ELSPBP1: variants seen among roughly 807,000 people sequenced by gnomAD.
ELSPBP1 encodes the protein epididymal sperm binding protein 1, also known as epididymal sperm-binding protein 1.
A neutral mutation model predicts 33.3 loss-of-function variants in ELSPBP1; 38 were observed. That is an observed-to-expected ratio of 1.14 (90% CI 0.88 to 1.50). ELSPBP1 has a LOEUF of 1.50. Ranked by LOEUF, ELSPBP1 falls within the 40% of genes most tolerant of loss-of-function variation. The pLI, the probability that ELSPBP1 is intolerant of heterozygous loss-of-function variation, is 0.00. For synonymous variants in ELSPBP1, 85 were observed against 94.1 expected (o/e 0.90, Z 0.56); for missense variants, 267 against 263.5 (o/e 1.01, Z -0.09).
At chr19:48,017,522 ACT>A in intron 4 of ELSPBP1, among the ~76,000 whole-genome samples, 1 of 152,268 alleles carries the variant, frequency 6.6e-6, no homozygotes, top group East Asian at 1.9e-4. Context: ...TTAATAATAT[ACT>A]CTGTCATTAA....
At chr19:48,002,738 G>C (rs2122294385) in intron 1 of ELSPBP1, among the ~76,000 whole-genome samples, 1 of 152,352 alleles carries the variant, frequency 6.6e-6, no homozygotes, top group East Asian at 1.9e-4. Context: ...GTTGCAGTGA[G>C]CTAAGATCGT....
chr19:48,019,225 C>T (rs372398468), intron 4 of ELSPBP1, among the ~76,000 whole-genome samples: 1 of 151,954 alleles, frequency 6.6e-6, no homozygotes, highest in South Asian at 2.1e-4. Flanking sequence ...GGAGTCTCGT[C>T]TAAGGTGGGT....
At chr19:48,000,323 C>G (rs1409541667) in intron 1 of ELSPBP1, among the ~76,000 whole-genome samples, 1 of 150,948 alleles carries the variant, frequency 6.6e-6, no homozygotes, top group Non-Finnish European at 1.5e-5. Flanking sequence ...TCAGTGCAAC[C>G]TCTGCCTCCT....
In ELSPBP1 at chr19:48,014,165, C is replaced by T. The variant is rs375402318; in HGVS notation, c.71-6C>T. 7 of 1,612,592 alleles carry T rather than the reference C, an allele frequency of 4.3e-6. No individual in the cohort carries two copies. Among genetic ancestry groups the T allele is most frequent in the African/African-American group, 2.7e-5 (2 of 74,952 alleles). On this transcript the variant is annotated splice_polypyrimidine_tract_variant and splice_region_variant and intron_variant, in intron 2 of 6. Transcript: ENST00000339841. ...CCCACTCCTGTTTTCTCCTTCTGCCCTTCAGGGATGCATGAGGAATGTGTC... is the reference window on the plus strand; with the variant it reads ...CCCACTCCTGTTTTCTCCTTCTGCCTTTCAGGGATGCATGAGGAATGTGTC...
chr19:48,019,226 T>A (rs2122331350), intron 4 of ELSPBP1, among the ~76,000 whole-genome samples: 1 of 152,250 alleles, frequency 6.6e-6, no homozygotes, highest in Middle Eastern at 3.4e-3. Flanking sequence ...GAGTCTCGTC[T>A]AAGGTGGGTC....
Position 48,019,714 on chromosome 19 carries a change from T to G in ELSPBP1, c.356-5T>G, listed in dbSNP as rs774651294. The G allele has an allele frequency of 6.2e-7, 1 of 1,612,972 alleles. No individual in the cohort carries two copies. The highest frequency in any genetic ancestry group is 1.3e-5 in the African/African-American group (1 of 74,842). ...GACCCGTAACCTTTCCATAATCCTTTTCAGAGTATGGGGGAAATTCTCTCA... is the reference window on the plus strand; with the variant it reads ...GACCCGTAACCTTTCCATAATCCTTGTCAGAGTATGGGGGAAATTCTCTCA... On this transcript the variant is annotated splice_region_variant and splice_polypyrimidine_tract_variant and intron_variant, in intron 4 of 6. Coordinates refer to ENST00000339841, the MANE Select transcript of ELSPBP1 (RefSeq NM_022142.5).
At chr19:48,014,005 C>T (rs1191040382) in intron 2 of ELSPBP1, among the ~76,000 whole-genome samples, 166 bp from the exon 3 acceptor site, 1 of 152,066 alleles carries the variant, frequency 6.6e-6, no homozygotes, top group Non-Finnish European at 1.5e-5. Flanking sequence ...TCCAAAGGCC[C>T]CTCGTACCAT....
rs548003845 is a variant in ELSPBP1, at chr19:48,016,372, C to T, written c.355+333C>T. On this transcript the variant is annotated intron_variant, in intron 4 of 6. Coordinates refer to ENST00000339841, the MANE Select transcript of ELSPBP1 (RefSeq NM_022142.5). Reference sequence around the variant, plus strand: ...GATGGACCCAAACTGCCTTTTCTTTCCTTCCTTCCTTCCTTGCTTCCTTCC... The same window carrying T: ...GATGGACCCAAACTGCCTTTTCTTTTCTTCCTTCCTTCCTTGCTTCCTTCC... Among the ~76,000 whole-genome samples, 48 of 151,958 alleles carry T rather than the reference C, an allele frequency of 3.2e-4. 1 individual carries two copies. Among genetic ancestry groups the T allele is most frequent in the African/African-American group, 1.1e-3 (45 of 41,490 alleles).
chr19:48,013,762 A>G (rs1473959647), intron 2 of ELSPBP1, among the ~76,000 whole-genome samples: 1 of 151,928 alleles, frequency 6.6e-6, no homozygotes, highest in East Asian at 1.9e-4. Flanking sequence ...AGTACCATTG[A>G]CTGCGTAGCT....
chr19:47,997,124 C>T (rs1966918941), intron 1 of ELSPBP1, among the ~76,000 whole-genome samples: 1 of 152,170 alleles, frequency 6.6e-6, no homozygotes, highest in Non-Finnish European at 1.5e-5. Flanking sequence ...TAATTACTGG[C>T]ATGCCAGTGG....
chr19:48,016,166 T>G, intron 4 of ELSPBP1, 127 bp downstream of exon 4: 1 of 1,143,606 alleles, frequency 8.7e-7, no homozygotes, highest in Non-Finnish European at 1.3e-6. Flanking sequence ...AGGAGCCAAG[T>G]GTCTGCTCAG....
Position 48,019,746 on chromosome 19 carries a change from C to T in ELSPBP1, c.383C>T (p.Pro128Leu). 1 of 1,613,952 alleles carries T rather than the reference C, an allele frequency of 6.2e-7. No homozygotes were observed. The highest frequency in any genetic ancestry group is 8.5e-7 in the Non-Finnish European group (1 of 1,179,940). Residue 128 changes from proline to leucine, a missense_variant, in exon 5 of 7, where the codon CCC (proline) becomes CTC (leucine). Coordinates refer to ENST00000339841, the MANE Select transcript of ELSPBP1 (RefSeq NM_022142.5). ...NEYGGNSLRK[P>L]CIFPSIYRNN... is the part of the protein sequence containing the mutation. The stretch of plus-strand genomic sequence containing the variant: ...TATGGGGGAAATTCTCTCAGGAAGC[C>T]CTGCATCTTCCCCTCCATCTACAGA...
chr19:48,016,189 GACA>G (rs550671957), intron 4 of ELSPBP1, 150 bp downstream of exon 4: 6 of 850,792 alleles, frequency 7.1e-6, no homozygotes, highest in South Asian at 5.5e-5. Context: ...AGTTCGCTAT[GACA>G]ACGACAGACA....
chr19:48,001,100 C>T (rs563091788), intron 1 of ELSPBP1, among the ~76,000 whole-genome samples: 2 of 152,178 alleles, frequency 1.3e-5, no homozygotes, highest in African/African-American at 2.4e-5. Flanking sequence ...TGGCTCGTGG[C>T]CTCTTCCTGG....
intron 1 of ELSPBP1, among the ~76,000 whole-genome samples, chr19:48,002,747 G>A (rs11665777): frequency 0.2 from 30,063 of 152,136 alleles, 3,261 homozygotes; most frequent in Middle Eastern, 0.24. Context: ...AGCTAAGATC[G>A]TGCCACTGCA....
chr19:48,009,323 T>C (rs1369116762), intron 2 of ELSPBP1, among the ~76,000 whole-genome samples: 1 of 152,160 alleles, frequency 6.6e-6, no homozygotes, highest in Non-Finnish European at 1.5e-5. Flanking sequence ...GGCACCAGCA[T>C]CTTTCATAAT....
intron 1 of ELSPBP1, among the ~76,000 whole-genome samples, chr19:47,998,935 C>T (rs927767373): frequency 3.9e-5 from 6 of 152,144 alleles, no homozygotes; most frequent in African/African-American, 1.4e-4. Flanking sequence ...ACTGCGCATG[C>T]GGGAGGCCCA....
At chr19:48,017,787 T>C (rs1398129356) in intron 4 of ELSPBP1, among the ~76,000 whole-genome samples, 1 of 151,112 alleles carries the variant, frequency 6.6e-6, no homozygotes, top group Non-Finnish European at 1.5e-5. Flanking sequence ...TCCCAGCTAC[T>C]TGGGGAGGCT....
At chr19:48,024,036 ATTTTTT>A (rs111833936) in intron 6 of ELSPBP1, among the ~76,000 whole-genome samples, 7,703 of 131,976 alleles carry the variant, frequency 0.058, 273 homozygotes, top group East Asian at 0.11. Context: ...ATGCCCAGCA[ATTTTTT>A]TTTTTTTTTT....
Sources: allele counts gnomAD v4.1 joint callset (sites outside exome capture counted in the v4.1 genomes callset), GRCh38; gene constraint gnomAD v4.1.1; transcripts MANE v1.5; gene names NCBI Gene and HGNC (gene_info 2026-07-23, HGNC 2026-07-21).